DEFB116: variants seen among roughly 807,000 people sequenced by gnomAD.
DEFB116 encodes the protein beta-defensin 116.
Under a neutral mutation model 2.8 loss-of-function variants are expected in DEFB116, and 5 were observed. The observed-to-expected ratio is 1.80, with a 90% confidence interval of 0.94 to 3.79. The LOEUF (loss-of-function observed/expected upper bound fraction) is 3.79, where lower values mean the gene tolerates loss of function less well. Ranked by LOEUF, DEFB116 falls within the 30% of genes most tolerant of loss-of-function variation. The probability of loss-of-function intolerance (pLI) is 0.00; values close to 1 mark genes in which losing one functional copy is unlikely to be tolerated. For synonymous variants in DEFB116, 56 were observed against 40.8 expected (o/e 1.37, Z -1.42); for missense variants, 170 against 118.0 (o/e 1.44, Z -2.04).
intron 1 of DEFB116, 129 bp from the exon 2 acceptor site, chr20:31,303,582 A>G: frequency 7.5e-7 from 1 of 1,325,740 alleles, no homozygotes; most frequent in Non-Finnish European, 1.0e-6. Context: ...CCTAGATTCA[A>G]ATCTGGGCTC....
rs181424547 is a variant in DEFB116, at chr20:31,303,265, C to T, written c.256G>A (p.Asp86Asn). The part of the protein sequence containing the change: ...TSSKNVKEDY[D>N]SNSNLSVTNS... ...GTAACTGACAAGTTGGAGTTAGAGT[C>T]GTAATCCTCCTTCACATTTTTAGAA... The change falls in exon 2 of 2, where the codon GAC (aspartate) becomes AAC (asparagine). Residue 86 changes from aspartate to asparagine, a missense_variant. Coordinates refer to ENST00000400549, the MANE Select transcript of DEFB116 (RefSeq NM_001037731.1). The T allele has an allele frequency of 7.0e-5, 113 of 1,613,538 alleles. No individual in the cohort carries two copies. The highest frequency in any genetic ancestry group is 1.6e-4 in the East Asian group (7 of 44,878).
chr20:31,306,796 G>A (rs1377027634), intron 1 of DEFB116, among the ~76,000 whole-genome samples: 4 of 152,048 alleles, frequency 2.6e-5, no homozygotes, highest in Admixed American at 6.6e-5. Context: ...TATAGGGTGG[G>A]CTGAGACTGC....
intron 1 of DEFB116, 94 bp downstream of exon 1, chr20:31,308,425 G>A: frequency 8.0e-7 from 1 of 1,243,464 alleles, no homozygotes; most frequent in Admixed American, 1.7e-5. Context: ...TTTAGGTGTT[G>A]CCCACTATAT....
intron 1 of DEFB116, among the ~76,000 whole-genome samples, chr20:31,303,901 A>T (rs2090100343): frequency 6.6e-6 from 1 of 152,136 alleles, no homozygotes; most frequent in Non-Finnish European, 1.5e-5. Flanking sequence ...AGAGGCAGCC[A>T]GGATCTACTC....
intron 1 of DEFB116, among the ~76,000 whole-genome samples, chr20:31,307,327 C>T (rs1985013362): frequency 6.6e-6 from 1 of 151,994 alleles, no homozygotes. Flanking sequence ...ACAGTATAGT[C>T]TCTTCAATAA....
intron 1 of DEFB116, among the ~76,000 whole-genome samples, chr20:31,307,966 C>A (rs370493403): frequency 6.6e-6 from 1 of 152,004 alleles, no homozygotes; most frequent in Non-Finnish European, 1.5e-5. Context: ...AGCTACAAAC[C>A]TCTCTATACC....
intron 1 of DEFB116, among the ~76,000 whole-genome samples, chr20:31,306,380 G>T (rs1984990873): frequency 6.6e-6 from 1 of 152,202 alleles, no homozygotes; most frequent in South Asian, 2.1e-4. Flanking sequence ...TGTTTGGATT[G>T]TCCTAATAGA....
intron 1 of DEFB116, among the ~76,000 whole-genome samples, chr20:31,304,554 C>A (rs1457018057): frequency 6.6e-6 from 1 of 152,090 alleles, no homozygotes; most frequent in Non-Finnish European, 1.5e-5. Context: ...TATTCAATTT[C>A]TGGTCTACAT....
intron 1 of DEFB116, among the ~76,000 whole-genome samples, chr20:31,303,932 T>C (rs1034025565): frequency 6.6e-6 from 1 of 152,086 alleles, no homozygotes; most frequent in South Asian, 2.1e-4. Flanking sequence ...CACAAATATT[T>C]GAGCCTATGT....
Position 31,308,579 on chromosome 20 carries a change from C to T in DEFB116, c.7G>A (p.Val3Ile), listed in dbSNP as rs780176637. MS[V>I]MKPCLMTIAI... Reference sequence around the variant, plus strand: ...ATGGTCATTAAACAGGGCTTCATGACTGACATGTTCCACCAGAATGAAGGG... The same window carrying T: ...ATGGTCATTAAACAGGGCTTCATGATTGACATGTTCCACCAGAATGAAGGG... Residue 3 changes from valine to isoleucine, a missense_variant, in exon 1 of 2, where the codon GTC (valine) becomes ATC (isoleucine). Physicochemically the swap from Val to Ile is conservative, Grantham distance 29 (BLOSUM62 3). Coordinates refer to ENST00000400549, the MANE Select transcript of DEFB116 (RefSeq NM_001037731.1). 2 of 1,613,394 alleles carry T rather than the reference C, an allele frequency of 1.2e-6. No individual in the cohort carries two copies. The highest frequency in any genetic ancestry group is 2.2e-5 in the East Asian group (1 of 44,872).
In DEFB116 at chr20:31,303,537, G is replaced by A. The variant is rs927056999; in HGVS notation, c.68-84C>T. The stretch of plus-strand genomic sequence containing the variant: ...CATGATTTAAAGGAACACGCCCTAA[G>A]ACTATTAAGGGCACAAGATCTGGAA... On this transcript the variant is annotated intron_variant, in intron 1 of 1. Transcript: ENST00000400549. 3.7e-5 allele frequency: 56 copies of A among 1,526,582 alleles called. No individual in the cohort carries two copies. In the African/African-American group the frequency reaches 7.8e-4, roughly 21 times the overall value. The allele number at this position is 1,526,582 out of a possible 1,614,324, so 94.6% of individuals were successfully genotyped here.
intron 1 of DEFB116, among the ~76,000 whole-genome samples, chr20:31,304,277 G>A (rs1051226226): frequency 1.7e-4 from 26 of 152,034 alleles, no homozygotes; most frequent in African/African-American, 6.3e-4. Flanking sequence ...CACTTAATCA[G>A]CATTCTATAA....
chr20:31,305,945 G>A (rs1984982746), intron 1 of DEFB116, among the ~76,000 whole-genome samples: 1 of 152,072 alleles, frequency 6.6e-6, no homozygotes, highest in Non-Finnish European at 1.5e-5. Context: ...CCTGTTTGCA[G>A]TGAAAGCCAC....
At position 31,303,271 on chromosome 20, in the gene DEFB116, C is replaced by T. The variant is rs553935240; in HGVS notation, c.250G>A (p.Asp84Asn). Residue 84 changes from aspartate (D) to asparagine (N), a missense_variant, in exon 2 of 2, where the codon GAT (aspartate) becomes AAT (asparagine). Physicochemically the swap from Asp to Asn is conservative, Grantham distance 23. Transcript: ENST00000400549. ...KITSSKNVKEDYDSNSNLSVT... is the reference protein window; with the variant it reads ...KITSSKNVKENYDSNSNLSVT... ...GACAAGTTGGAGTTAGAGTCGTAAT[C>T]CTCCTTCACATTTTTAGAACTGGTT... The T allele has an allele frequency of 1.0e-4, 161 of 1,613,458 alleles. No homozygotes were observed. Among genetic ancestry groups the T allele is most frequent in the Non-Finnish European group, 1.3e-4 (154 of 1,179,592 alleles).
chr20:31,304,913 A>G (rs1423544742), intron 1 of DEFB116, among the ~76,000 whole-genome samples: 2 of 152,116 alleles, frequency 1.3e-5, no homozygotes, highest in Admixed American at 1.3e-4. Flanking sequence ...TAATTTTTAG[A>G]TTAGAGAAAG....
At chr20:31,306,138 T>G (rs747164020) in intron 1 of DEFB116, among the ~76,000 whole-genome samples, 36 of 152,270 alleles carry the variant, frequency 2.4e-4, no homozygotes, top group Admixed American at 7.2e-4. Context: ...CTGCCTGCTG[T>G]GCAACCAAAC....
chr20:31,308,514 G>C lies in DEFB116; in HGVS notation c.67+5C>G. ...GCCAGAACCTTTGAGAGAGGCCTGA[G>C]TTACCTGGAGTCTTTTGAGCCAGGA... On this transcript the variant is annotated splice_donor_5th_base_variant and intron_variant, in intron 1 of 1. Coordinates refer to ENST00000400549, the MANE Select transcript of DEFB116 (RefSeq NM_001037731.1). The C allele has an allele frequency of 6.2e-7, 1 of 1,613,468 alleles. No homozygotes were observed. Among genetic ancestry groups the C allele is most frequent in the Non-Finnish European group, 8.5e-7 (1 of 1,179,458 alleles).
chr20:31,306,924 G>C (rs1325085890), intron 1 of DEFB116, among the ~76,000 whole-genome samples: 3 of 152,036 alleles, frequency 2.0e-5, no homozygotes, highest in Admixed American at 2.0e-4. Context: ...CAGTGCCCTT[G>C]AAAATCACAC....
At chr20:31,305,794 T>C (rs939079566) in intron 1 of DEFB116, among the ~76,000 whole-genome samples, 2 of 152,088 alleles carry the variant, frequency 1.3e-5, no homozygotes, top group Non-Finnish European at 2.9e-5. Flanking sequence ...AAGAGGTTAA[T>C]AAGATGTCAT....
Sources: allele counts gnomAD v4.1 joint callset (sites outside exome capture counted in the v4.1 genomes callset), GRCh38; gene constraint gnomAD v4.1.1; transcripts MANE v1.5; gene names NCBI Gene and HGNC (gene_info 2026-07-23, HGNC 2026-07-21).